RAB18: variants seen among roughly 807,000 people sequenced by gnomAD.
RAB18 encodes the protein RAB18, member RAS oncogene family.
In RAB18, 10 loss-of-function variants were observed where a neutral mutation model predicts 28.5. That is an observed-to-expected ratio of 0.35 (90% confidence interval 0.22 to 0.60). The LOEUF (loss-of-function observed/expected upper bound fraction) is 0.60. RAB18 is among the 20% of genes least tolerant of loss of function. The pLI, the probability that RAB18 is intolerant of heterozygous loss-of-function variation, is 0.78. For missense variants in RAB18, 188 were observed against 244.2 expected, an observed-to-expected ratio of 0.77 and a Z score of 1.53; for synonymous variants, 93 against 86.9, an observed-to-expected ratio of 1.07 and a Z score of -0.39.
intron 1 of RAB18, among the ~76,000 whole-genome samples, chr10:27,508,711 G>A (rs752035014): frequency 6.6e-6 from 1 of 152,150 alleles, no homozygotes; most frequent in Non-Finnish European, 1.5e-5. Flanking sequence ...AAGTAAGGGA[G>A]AGTTAATCGT....
intron 1 of RAB18, chr10:27,505,317 G>A (rs1837795208): frequency 1.3e-5 from 5 of 371,638 alleles, no homozygotes. Context: ...AGGCCGTCCT[G>A]ATCCTTAAAC....
intron 2 of RAB18, among the ~76,000 whole-genome samples, chr10:27,515,944 AAACTTTTCATTATCT>A (rs1235020482): frequency 6.6e-6 from 1 of 152,118 alleles, no homozygotes; most frequent in Non-Finnish European, 1.5e-5. Context: ...GTATTATTTT[AAACTTTTCATTATCT>A]GTGATCGTGG....
At chr10:27,512,203 TTTACTC>T (rs1294825708) in intron 2 of RAB18, among the ~76,000 whole-genome samples, 2 of 152,126 alleles carry the variant, frequency 1.3e-5, no homozygotes, top group African/African-American at 2.4e-5. Context: ...GATTTACAGA[TTTACTC>T]TTATTTGTGT....
chr10:27,527,706 G>A (rs1233526051), intron 3 of RAB18, among the ~76,000 whole-genome samples: 1 of 151,858 alleles, frequency 6.6e-6, no homozygotes, highest in Non-Finnish European at 1.5e-5. Flanking sequence ...TCATCAAATC[G>A]AGACTTATTT....
chr10:27,517,973 A>G (rs1314823976), intron 2 of RAB18, among the ~76,000 whole-genome samples: 1 of 150,936 alleles, frequency 6.6e-6, no homozygotes, highest in Non-Finnish European at 1.5e-5. Flanking sequence ...TTTTAATTAT[A>G]CTTTAAGTTT....
intron 3 of RAB18, chr10:27,528,361 A>G: frequency 2.1e-6 from 1 of 478,408 alleles, no homozygotes; most frequent in Non-Finnish European, 4.2e-6. Context: ...GTCATTCTAA[A>G]AGGGATAATT....
chr10:27,504,508 G>T, intron 1 of RAB18, 71 bp downstream of exon 1: 1 of 1,497,836 alleles, frequency 6.7e-7, no homozygotes, highest in South Asian at 1.2e-5. Context: ...TGTCTCCTGG[G>T]CCGCGACGGG....
intron 1 of RAB18, among the ~76,000 whole-genome samples, chr10:27,508,433 A>G (rs983297884): frequency 9.2e-4 from 3 of 3,268 alleles, no homozygotes; most frequent in South Asian, 0.071. Flanking sequence ...CTAGTCTACA[A>G]GGTAATCTTA....
At chr10:27,516,063 G>A (rs528205741) in intron 2 of RAB18, among the ~76,000 whole-genome samples, 6 of 151,612 alleles carry the variant, frequency 4.0e-5, no homozygotes, top group African/African-American at 1.2e-4. Flanking sequence ...TTTTTCCCTC[G>A]TTCTTCCTGC....
chr10:27,531,646 A>C (rs1834790632), intron 3 of RAB18: 1 of 749,824 alleles, frequency 1.3e-6, no homozygotes, highest in African/African-American at 1.7e-5. Context: ...TGTTTCAATA[A>C]AACTTTATTT....
intron 3 of RAB18, chr10:27,531,743 A>G (rs1220632984): frequency 1.3e-5 from 7 of 540,704 alleles, no homozygotes; most frequent in East Asian, 1.2e-4. Context: ...GACAAGAGAG[A>G]GAAGGAATTG....
chr10:27,537,820 T>C (rs1007657060), intron 6 of RAB18, 56 bp from the exon 7 acceptor site: 1 of 1,472,160 alleles, frequency 6.8e-7, no homozygotes, highest in Non-Finnish European at 9.5e-7. Context: ...CAGAAAAACA[T>C]GAGAATATGG....
chr10:27,522,755 C>G (rs1456655812), intron 2 of RAB18, among the ~76,000 whole-genome samples: 1 of 152,006 alleles, frequency 6.6e-6, no homozygotes, highest in Non-Finnish European at 1.5e-5. Context: ...TTTAATCTTT[C>G]AAGGAAATTG....
intron 2 of RAB18, among the ~76,000 whole-genome samples, chr10:27,513,433 A>G (rs1017029497): frequency 6.6e-6 from 1 of 152,188 alleles, no homozygotes; most frequent in African/African-American, 2.4e-5. Flanking sequence ...AAATAGTAGT[A>G]AGGAAAGTGT....
chr10:27,513,197 G>T (rs1834361920), intron 2 of RAB18, among the ~76,000 whole-genome samples: 1 of 151,714 alleles, frequency 6.6e-6, no homozygotes. Context: ...ACCATGCCTT[G>T]CTAATTTTTA....
Position 27,538,932 on chromosome 10 carries a change from G to A in RAB18, c.*881G>A, listed in dbSNP as rs1329706948. On this transcript the variant is annotated 3_prime_UTR_variant, in exon 7 of 7. Coordinates refer to ENST00000356940, the MANE Select transcript of RAB18 (RefSeq NM_021252.5). ...GCTTGTGTAATGTTGATGAATATCT[G>A]TATCTTACGGCTTCCATAATGGCTA... 1 of 452,620 alleles carries A rather than the reference G, an allele frequency of 2.2e-6. No individual in the cohort carries two copies. Among genetic ancestry groups the A allele is most frequent in the South Asian group, 1.6e-5 (1 of 64,406 alleles). The allele number at this position is 452,620 out of a possible 1,614,324, so 28.0% of individuals were successfully genotyped here.
chr10:27,518,532 C>G (rs1284322975), intron 2 of RAB18, among the ~76,000 whole-genome samples: 1 of 152,100 alleles, frequency 6.6e-6, no homozygotes, highest in Non-Finnish European at 1.5e-5. Context: ...TTTTTAACGT[C>G]TATATGCACA....
intron 3 of RAB18, among the ~76,000 whole-genome samples, chr10:27,530,348 T>G (rs1564835615): frequency 6.6e-6 from 1 of 151,912 alleles, no homozygotes; most frequent in African/African-American, 2.4e-5. Context: ...AATAGCTGCT[T>G]CTTAAATTTC....
intron 6 of RAB18, among the ~76,000 whole-genome samples, chr10:27,536,646 A>G (rs766985354): frequency 7.2e-5 from 11 of 152,220 alleles, no homozygotes; most frequent in Non-Finnish European, 1.3e-4. Context: ...TGCACATGAC[A>G]TGTCAGTGGG....
Sources: allele counts gnomAD v4.1 joint callset (sites outside exome capture counted in the v4.1 genomes callset), GRCh38; gene constraint gnomAD v4.1.1; transcripts MANE v1.5; gene names NCBI Gene and HGNC (gene_info 2026-07-23, HGNC 2026-07-21).